The following PCDHGA7 variants were observed in gnomAD, a reference collection of about 807,000 sequenced individuals.
PCDHGA7 encodes the protein protocadherin gamma subfamily A, 7, also known as protocadherin gamma-A7.
PCDHGA7 carries 44 observed loss-of-function variants against 58.3 expected under a neutral mutation model. The observed-to-expected ratio is 0.75, with a 90% CI of 0.59 to 0.97. PCDHGA7 has a LOEUF of 0.97. Among genes scored for constraint, PCDHGA7 ranks in the 50% least tolerant of loss-of-function variants. PCDHGA7 has a pLI of 0.00. For missense variants in PCDHGA7, 1,266 were observed against 1,188.7 expected (o/e 1.06, Z -0.96); for synonymous variants, 516 against 504.2 (o/e 1.02, Z -0.31).
chr5:141,409,629 C>T (rs1379627250), intron 1 of PCDHGA7: 3 of 1,613,860 alleles, frequency 1.9e-6, no homozygotes, highest in East Asian at 4.5e-5. Flanking sequence ...CAAGTGAGCG[C>T]CTCTGACCCG....
chr5:141,399,202 G>T, intron 1 of PCDHGA7: 1 of 1,613,914 alleles, frequency 6.2e-7, no homozygotes, highest in Non-Finnish European at 8.5e-7. Context: ...CGCGGTGCCT[G>T]GAACACTAAT....
In PCDHGA7 at chr5:141,431,964, A is replaced by G; in HGVS notation, c.2424+46641A>G. On this transcript the variant is annotated intron_variant, in intron 1 of 3. Coordinates refer to ENST00000518325, the MANE Select transcript of PCDHGA7 (RefSeq NM_018920.4). The surrounding 1 kb of genome is among the most constrained non-coding windows in gnomAD (Gnocchi z 4.8). Reference sequence around the variant, plus strand: ...TTAGAAAAATCTTACGGAAATTACTATAGTTTAGTCACAGACATAGTCTTG... The same window carrying G: ...TTAGAAAAATCTTACGGAAATTACTGTAGTTTAGTCACAGACATAGTCTTG... 2.5e-6 allele frequency: 4 copies of G among 1,614,218 alleles called. No individual in the cohort carries two copies. The highest frequency in any genetic ancestry group is 2.5e-6 in the Non-Finnish European group (3 of 1,180,028).
At position 141,383,003 on chromosome 5, in the gene PCDHGA7, T is replaced by G; in HGVS notation, c.104T>G (p.Val35Gly). The G allele has an allele frequency of 1.2e-6, 2 of 1,613,734 alleles. No individual in the cohort carries two copies. Among genetic ancestry groups the G allele is most frequent in the Non-Finnish European group, 1.7e-6 (2 of 1,179,828 alleles). ...EAWAGRILYS[V>G]SEETDKGSFV... ...TGGGCAGGACGTATTCTCTACTCCG[T>G]GTCGGAGGAGACGGACAAAGGGTCC... Residue 35 changes from valine (V) to glycine (G), a missense_variant, in exon 1 of 4, where the codon GTG (valine) becomes GGG (glycine). Val to Gly is a moderately radical substitution (Grantham distance 109). Coordinates refer to ENST00000518325, the MANE Select transcript of PCDHGA7 (RefSeq NM_018920.4).
In PCDHGA7 at chr5:141,434,333, G is replaced by A. The variant is rs200059384; in HGVS notation, c.2424+49010G>A. On this transcript the variant is annotated intron_variant, in intron 1 of 3. Coordinates refer to ENST00000518325, the MANE Select transcript of PCDHGA7 (RefSeq NM_018920.4). The stretch of plus-strand genomic sequence containing the variant: ...TCTTCCTCTTGCTGCTTGTCTCTTT[G>A]TGTCGGGAACAGGCCCCCCAAAATC... Among the ~76,000 whole-genome samples, 23 of 152,220 alleles carry A rather than the reference G, an allele frequency of 1.5e-4. No individual in the cohort carries two copies. In the East Asian group the frequency reaches 4.3e-3, roughly 28 times the overall value.
chr5:141,435,951 G>A (rs371199258), intron 1 of PCDHGA7, among the ~76,000 whole-genome samples: 1 of 152,100 alleles, frequency 6.6e-6, no homozygotes, highest in Non-Finnish European at 1.5e-5. Context: ...ACCAAAAAAG[G>A]GGGCAAAATA....
rs200356364 is a variant in PCDHGA7, at chr5:141,470,128, C to CA, written c.2425-24670dup. On this transcript the variant is annotated intron_variant, in intron 1 of 3. Transcript: ENST00000518325. ...TGAGCAACAGAGCAAGACTTCGTCT[C>CA]AAAAAAAAAGATCATAGATCATCTT... 4.0e-3 allele frequency among the ~76,000 whole-genome samples: 596 copies of CA among 150,150 alleles called. 6 individuals are homozygous for CA. The highest frequency in any genetic ancestry group is 0.011 in the Admixed American group (171 of 15,136).
chr5:141,455,448 C>T (rs1403500578), intron 1 of PCDHGA7, among the ~76,000 whole-genome samples: 1 of 152,112 alleles, frequency 6.6e-6, no homozygotes, highest in African/African-American at 2.4e-5. Context: ...CCATCTACCG[C>T]GGATACCAGC....
rs1372113910 is a variant in PCDHGA7, at chr5:141,384,481, C to T, written c.1582C>T (p.Leu528=). Residue 528 remains leucine, a synonymous_variant, in exon 1 of 4, where the codon CTA becomes TTA. Coordinates refer to ENST00000518325, the MANE Select transcript of PCDHGA7 (RefSeq NM_018920.4). The part of the protein sequence containing the change: ...QSFDYEQLRE[L]QLRVTAHDSG... ...CTTTGATTATGAGCAGTTGAGAGAA[C>T]TACAACTAAGAGTGACTGCACATGA... 1.9e-6 allele frequency: 3 copies of T among 1,614,022 alleles called. No homozygotes were observed. The Admixed American group carries it at 5.0e-5, about 27-fold the overall frequency.
chr5:141,391,775 A>T (rs996921581), intron 1 of PCDHGA7: 1 of 152,210 alleles, frequency 6.6e-6, no homozygotes, highest in Non-Finnish European at 1.5e-5. Flanking sequence ...TTATATAGTC[A>T]TTACTTTTTG....
intron 1 of PCDHGA7, among the ~76,000 whole-genome samples, chr5:141,488,236 T>A (rs1333427955): frequency 6.6e-6 from 1 of 152,154 alleles, no homozygotes; most frequent in Admixed American, 6.5e-5. Context: ...TTGAACTAGA[T>A]GCGGTAAATT....
At chr5:141,464,024 G>A (rs2099074308) in intron 1 of PCDHGA7, among the ~76,000 whole-genome samples, 1 of 151,996 alleles carries the variant, frequency 6.6e-6, no homozygotes, top group East Asian at 1.9e-4. Context: ...CCACACTTTG[G>A]GAGGCCAAGG....
intron 1 of PCDHGA7, chr5:141,389,373 C>T (rs1561624770): frequency 3.1e-6 from 5 of 1,613,756 alleles, no homozygotes; most frequent in Non-Finnish European, 4.2e-6. Flanking sequence ...CCTGGAGCAG[C>T]GGGAGCTGTC....
At chr5:141,482,338 T>C (rs2099556539) in intron 1 of PCDHGA7, among the ~76,000 whole-genome samples, 1 of 152,156 alleles carries the variant, frequency 6.6e-6, no homozygotes, top group African/African-American at 2.4e-5. Context: ...ATATCTACTT[T>C]GCAAACTTGT....
intron 1 of PCDHGA7, among the ~76,000 whole-genome samples, chr5:141,460,987 ATATATATATGTG>A (rs2099005819): frequency 1.1e-5 from 1 of 92,944 alleles, no homozygotes; most frequent in Admixed American, 9.9e-5. Flanking sequence ...GTGTGTGTAT[ATATATATATGTG>A]TATATATATA....
intron 1 of PCDHGA7, chr5:141,392,800 G>T (rs1394780689): frequency 6.4e-7 from 1 of 1,570,722 alleles, no homozygotes; most frequent in African/African-American, 1.4e-5. Context: ...AGAGGATTCT[G>T]CAGCAAAACA....
chr5:141,398,656 A>G, intron 1 of PCDHGA7: 1 of 1,614,034 alleles, frequency 6.2e-7, no homozygotes, highest in African/African-American at 1.3e-5. Context: ...TCTTAACCCA[A>G]GTTTCTCATT....
Position 141,432,123 on chromosome 5 carries a change from C to T in PCDHGA7, c.2424+46800C>T. 6.2e-7 allele frequency: 1 copy of T among 1,614,172 alleles called. No homozygotes were observed. The highest frequency in any genetic ancestry group is 8.5e-7 in the Non-Finnish European group (1 of 1,180,042). ...GACAACCCGCCGGTCTTCCCTCAGGCCTCCTATTCCGCTTATATCCCAGAG... is the reference window on the plus strand; with the variant it reads ...GACAACCCGCCGGTCTTCCCTCAGGTCTCCTATTCCGCTTATATCCCAGAG... On this transcript the variant is annotated intron_variant, in intron 1 of 3. Coordinates refer to ENST00000518325, the MANE Select transcript of PCDHGA7 (RefSeq NM_018920.4). The surrounding 1 kb of genome is among the most constrained non-coding windows in gnomAD (Gnocchi z 6.0).
At chr5:141,442,473 C>T (rs1435437337) in intron 1 of PCDHGA7, 1 of 152,240 alleles carries the variant, frequency 6.6e-6, no homozygotes, top group Non-Finnish European at 1.5e-5. Flanking sequence ...CAGAAAGCCC[C>T]TTGGGGAAGG....
chr5:141,440,878 C>A (rs1359689557), intron 1 of PCDHGA7: 1 of 152,146 alleles, frequency 6.6e-6, no homozygotes, highest in Non-Finnish European at 1.5e-5. Context: ...TGTACAGCGT[C>A]GGCCTTCAGG....
Sources: gnomAD v4.1 joint callset for allele counts (sites outside exome capture counted in the v4.1 genomes callset) on GRCh38, gnomAD v4.1.1 for gene constraint, Gnocchi (gnomAD v3.1) non-coding constraint, MANE v1.5 for transcripts, NCBI Gene and HGNC (gene_info 2026-07-23, HGNC 2026-07-21) for gene names.